Variants in UNC5B observed in about 807,000 individuals in gnomAD.
UNC5B encodes the protein unc-5 netrin receptor B, also known as netrin receptor UNC5B.
In UNC5B, 56 loss-of-function variants were observed where a neutral mutation model predicts 103.7. The observed-to-expected ratio is 0.54, with a 90% CI of 0.44 to 0.67. The LOEUF (loss-of-function observed/expected upper bound fraction) is 0.67, where lower values mean the gene tolerates loss of function less well. Ranked by LOEUF, UNC5B falls within the 30% of genes least tolerant of loss-of-function variation. The probability of loss-of-function intolerance (pLI) is 0.00; values close to 1 mark genes in which losing one functional copy is unlikely to be tolerated. For missense variants in UNC5B, 1,194 were observed against 1,284.5 expected (o/e 0.93, Z 1.08); for synonymous variants, 577 against 542.0 (o/e 1.06, Z -0.90).
intron 12 of UNC5B, 28 bp from the exon 13 acceptor site, chr10:71,293,672 A>G: frequency 6.3e-7 from 1 of 1,599,528 alleles, no homozygotes; most frequent in Non-Finnish European, 8.5e-7. Flanking sequence ...AACTGTGACC[A>G]CTACCCCACC....
At chr10:71,223,471 A>T (rs868728209) in intron 1 of UNC5B, among the ~76,000 whole-genome samples, 4 of 151,942 alleles carry the variant, frequency 2.6e-5, no homozygotes, top group Non-Finnish European at 1.5e-5. Context: ...TTCTTTGAGC[A>T]CTTACTGTGT....
At chr10:71,239,440 C>T (rs1469976192) in intron 1 of UNC5B, among the ~76,000 whole-genome samples, 1 of 152,076 alleles carries the variant, frequency 6.6e-6, no homozygotes, top group Admixed American at 6.5e-5. Flanking sequence ...GAGGGTCGCC[C>T]GTCCTGACTG....
At position 71,287,720 on chromosome 10, in the gene UNC5B, G is replaced by A. The variant is rs781171880; in HGVS notation, c.856G>A (p.Glu286Lys). Reference protein sequence around the residue: ...PAPLNGGAFCEGQAFQKTACT... With the variant: ...PAPLNGGAFCKGQAFQKTACT... ...TCCACTCAACGGAGGGGCCTTCTGC[G>A]AGGGCCAGGCATTCCAGAAGACCGC... is the stretch of plus-strand genomic sequence containing the variant. The change falls in exon 6 of 17, where the codon GAG (glutamate) becomes AAG (lysine). Residue 286 changes from glutamate to lysine, a missense_variant. Glu to Lys is a moderately conservative substitution (Grantham distance 56). Coordinates refer to ENST00000335350, the MANE Select transcript of UNC5B (RefSeq NM_170744.5). The A allele has an allele frequency of 1.4e-5, 23 of 1,612,658 alleles. No homozygotes were observed. In the East Asian group the frequency reaches 2.0e-4, roughly 14 times the overall value.
chr10:71,263,453 C>T (rs779968350), intron 1 of UNC5B, among the ~76,000 whole-genome samples: 8 of 152,170 alleles, frequency 5.3e-5, no homozygotes, highest in Non-Finnish European at 1.2e-4. Flanking sequence ...CCAGAGAGCT[C>T]GAGCTGAGAG....
At chr10:71,233,876 C>A (rs1340681867) in intron 1 of UNC5B, among the ~76,000 whole-genome samples, 1 of 152,252 alleles carries the variant, frequency 6.6e-6, no homozygotes, top group Non-Finnish European at 1.5e-5. Flanking sequence ...AGGAGGCCAG[C>A]CCACTCTAAC....
At position 71,293,393 on chromosome 10, in the gene UNC5B, GTCC is replaced by G. The variant is rs776606216; in HGVS notation, c.1773-5_1773-3del. 1 of 1,608,800 alleles carries G rather than the reference GTCC, an allele frequency of 6.2e-7. No homozygotes were observed. The highest frequency in any genetic ancestry group is 1.1e-5 in the South Asian group (1 of 90,300). On this transcript the variant is annotated splice_polypyrimidine_tract_variant and intron_variant, in intron 11 of 16. Coordinates refer to ENST00000335350, the MANE Select transcript of UNC5B (RefSeq NM_170744.5). ...CTTCACTGCCTCTCTCCTACCCTGT[GTCC>G]TCCTCCAGCCCGCTTTCAGAAGGGA...
chr10:71,220,919 G>C (rs187533581), intron 1 of UNC5B, among the ~76,000 whole-genome samples: 386 of 152,264 alleles, frequency 2.5e-3, no homozygotes, highest in Non-Finnish European at 4.5e-3. Flanking sequence ...TCCCTCTCTG[G>C]GTTCTGATTG....
intron 1 of UNC5B, among the ~76,000 whole-genome samples, chr10:71,218,701 C>T (rs924275046): frequency 6.6e-6 from 1 of 152,212 alleles, no homozygotes; most frequent in East Asian, 1.9e-4. Flanking sequence ...CTTCTGCAGT[C>T]AACTCCCAGC....
At chr10:71,298,792 AATG>A (rs1468868378) in intron 16 of UNC5B, among the ~76,000 whole-genome samples, 4 of 152,118 alleles carry the variant, frequency 2.6e-5, no homozygotes, top group African/African-American at 9.7e-5. Context: ...AGTGTCTTTC[AATG>A]ATAATAATGA....
chr10:71,274,441 G>A (rs560446507), intron 1 of UNC5B, among the ~76,000 whole-genome samples: 1 of 152,150 alleles, frequency 6.6e-6, no homozygotes, highest in Admixed American at 6.5e-5. Context: ...AGTAAGGAAG[G>A]CTTTTCTAAC....
chr10:71,284,658 G>A, intron 2 of UNC5B, 62 bp from the exon 3 acceptor site: 1 of 1,604,620 alleles, frequency 6.2e-7, no homozygotes, highest in Non-Finnish European at 8.5e-7. Context: ...GGCCGGGGGT[G>A]TCCTGTGCCT....
At chr10:71,231,678 T>G (rs1843687149) in intron 1 of UNC5B, among the ~76,000 whole-genome samples, 1 of 152,040 alleles carries the variant, frequency 6.6e-6, no homozygotes. Context: ...ATGCCTGGCC[T>G]TTACCCTAAA....
chr10:71,255,327 T>A (rs575793883), intron 1 of UNC5B, among the ~76,000 whole-genome samples: 12 of 152,202 alleles, frequency 7.9e-5, no homozygotes, highest in Non-Finnish European at 1.2e-4. Context: ...TACACGCTGC[T>A]AGATTGCTTT....
intron 1 of UNC5B, among the ~76,000 whole-genome samples, chr10:71,276,825 G>T (rs1192763194): frequency 1.3e-5 from 2 of 152,242 alleles, no homozygotes; most frequent in Non-Finnish European, 2.9e-5. Flanking sequence ...AACCTCAGGT[G>T]GGCCTCTCAT....
intron 4 of UNC5B, 31 bp downstream of exon 4, chr10:71,285,460 G>A (rs374311165): frequency 1.7e-4 from 263 of 1,532,824 alleles, no homozygotes; most frequent in Non-Finnish European, 2.2e-4. Context: ...CACTGAGCAC[G>A]GCCCTGTGGC....
chr10:71,275,431 C>G (rs1352504724), intron 1 of UNC5B, among the ~76,000 whole-genome samples: 4 of 152,222 alleles, frequency 2.6e-5, no homozygotes, highest in Non-Finnish European at 4.4e-5. Flanking sequence ...TGGCTCAAGC[C>G]TTGCTTCCTG....
At chr10:71,223,267 C>G (rs1196591042) in intron 1 of UNC5B, among the ~76,000 whole-genome samples, 2 of 152,322 alleles carry the variant, frequency 1.3e-5, no homozygotes, top group South Asian at 2.1e-4. Flanking sequence ...GAATAAATCT[C>G]TGTAGAATGG....
At chr10:71,285,194 C>T (rs1845039443) in intron 3 of UNC5B, 132 bp from the exon 4 acceptor site, 1 of 990,456 alleles carries the variant, frequency 1.0e-6, no homozygotes, top group Non-Finnish European at 1.5e-6. Context: ...GAGGAAATTT[C>T]CCAGGCAAAG....
At chr10:71,260,906 TGCTGCTGTTGCGCTGGGACACCTCC>T (rs1283077341) in intron 1 of UNC5B, among the ~76,000 whole-genome samples, 10 of 152,238 alleles carry the variant, frequency 6.6e-5, no homozygotes, top group African/African-American at 2.4e-4. Context: ...GCGGAGAGGT[TGCTGCTGTTGCGCTGGGACACCTCC>T]GCTGCTGAGC....
Sources: allele counts gnomAD v4.1 joint callset (sites outside exome capture counted in the v4.1 genomes callset), GRCh38; gene constraint gnomAD v4.1.1; transcripts MANE v1.5; gene names NCBI Gene and HGNC (gene_info 2026-07-23, HGNC 2026-07-21).